FRMD4A: variants seen among roughly 807,000 people sequenced by gnomAD.
The protein encoded by FRMD4A is FERM domain containing 4A, also known as FERM domain-containing protein 4A.
Under a neutral mutation model 129.1 loss-of-function variants are expected in FRMD4A, and 29 were observed. The observed-to-expected ratio is 0.22, with a 90% confidence interval of 0.17 to 0.31. The LOEUF (loss-of-function observed/expected upper bound fraction) is 0.31, where lower values mean the gene tolerates loss of function less well. FRMD4A is among the 10% of genes least tolerant of loss of function. The pLI is 1.00. For synonymous variants in FRMD4A, 634 were observed against 571.6 expected, an observed-to-expected ratio of 1.11 and a Z score of -1.56; for missense variants, 1,272 against 1,375.8, an observed-to-expected ratio of 0.92 and a Z score of 1.19.
rs75039112 is a variant in FRMD4A at position 14,311,158 on chromosome 10, T to C, written c.45+18900A>G. Reference sequence around the variant, plus strand: ...ACCAGTGCGCCAGCAACAGAGCCCTTTGTGGTCCCACACTTGGAATCCCAC... The same window carrying C: ...ACCAGTGCGCCAGCAACAGAGCCCTCTGTGGTCCCACACTTGGAATCCCAC... On this transcript the variant is annotated intron_variant, in intron 2 of 24. Transcript: ENST00000357447. Among the ~76,000 whole-genome samples the C allele has an allele frequency of 8.2e-3, 1,255 of 152,262 alleles. 18 individuals are homozygous for C. The highest frequency in any genetic ancestry group is 0.029 in the African/African-American group (1,195 of 41,556).
chr10:14,202,399 T>C (rs532257095), intron 2 of FRMD4A, among the ~76,000 whole-genome samples: 1 of 152,266 alleles, frequency 6.6e-6, no homozygotes, highest in South Asian at 2.1e-4. Flanking sequence ...TATTTATTTA[T>C]TTACTTATTT....
intron 2 of FRMD4A, among the ~76,000 whole-genome samples, chr10:14,135,842 G>C (rs543910672): frequency 6.6e-6 from 1 of 152,298 alleles, no homozygotes; most frequent in African/African-American, 2.4e-5. Flanking sequence ...ACATTGGACT[G>C]AATACAATGG....
chr10:13,981,384 A>C (rs1469104170), intron 2 of FRMD4A, among the ~76,000 whole-genome samples: 1 of 152,198 alleles, frequency 6.6e-6, no homozygotes, highest in Non-Finnish European at 1.5e-5. Context: ...GAGGCCAGAA[A>C]CTAGGTATGC....
chr10:14,236,636 C>T (rs1028461673), intron 2 of FRMD4A, among the ~76,000 whole-genome samples: 3 of 152,136 alleles, frequency 2.0e-5, no homozygotes, highest in Non-Finnish European at 4.4e-5. Flanking sequence ...GAGTCGGTGC[C>T]CCACTGCCTG....
chr10:13,697,300 A>G (rs4266970), intron 14 of FRMD4A, among the ~76,000 whole-genome samples: 55,299 of 151,660 alleles, frequency 0.36, 10,532 homozygotes, highest in African/African-American at 0.49. Context: ...GGGACCACAC[A>G]TGTGGTCCAC....
At chr10:13,704,525 G>A (rs2087210863) in intron 13 of FRMD4A, among the ~76,000 whole-genome samples, 1 of 152,012 alleles carries the variant, frequency 6.6e-6, no homozygotes, top group South Asian at 2.1e-4. Context: ...TTTAATCCTA[G>A]TTACCCCTCC....
At chr10:14,132,763 C>T (rs1044385507) in intron 2 of FRMD4A, among the ~76,000 whole-genome samples, 2 of 152,226 alleles carry the variant, frequency 1.3e-5, no homozygotes, top group African/African-American at 4.8e-5. Flanking sequence ...CCCACGCAGG[C>T]CCAGCTGCCA....
intron 2 of FRMD4A, among the ~76,000 whole-genome samples, chr10:13,969,651 G>C (rs574712966): frequency 6.6e-6 from 1 of 152,294 alleles, no homozygotes; most frequent in South Asian, 2.1e-4. Flanking sequence ...AGGAGTTCAA[G>C]ACTAGCCTGG....
Position 14,017,877 on chromosome 10 carries a change from T to C in FRMD4A, c.46-158965A>G, listed in dbSNP as rs537171401. On this transcript the variant is annotated intron_variant, in intron 2 of 24. Coordinates refer to ENST00000357447, the MANE Select transcript of FRMD4A (RefSeq NM_018027.5). ...TTTGAAGCCTCATGTCATGGGAATA[T>C]GGTTTATGTTGAATGTGTTCTAGAG... Among the ~76,000 whole-genome samples, 4 of 152,326 alleles carry C rather than the reference T, an allele frequency of 2.6e-5. No homozygotes were observed. The South Asian group carries it at 8.3e-4, about 32-fold the overall frequency.
chr10:13,718,525 G>A (rs2089096713), intron 12 of FRMD4A, among the ~76,000 whole-genome samples: 1 of 152,224 alleles, frequency 6.6e-6, no homozygotes, highest in Non-Finnish European at 1.5e-5. Context: ...TTTGGTATCT[G>A]CTCTGCGAGG....
intron 9 of FRMD4A, among the ~76,000 whole-genome samples, chr10:13,742,073 C>G (rs1472898854): frequency 6.6e-6 from 1 of 151,950 alleles, no homozygotes; most frequent in African/African-American, 2.4e-5. Flanking sequence ...CCAGGCTGGT[C>G]TCAAACTCCG....
intron 2 of FRMD4A, among the ~76,000 whole-genome samples, chr10:14,215,541 G>C (rs772277207): frequency 6.6e-6 from 1 of 152,038 alleles, no homozygotes; most frequent in Non-Finnish European, 1.5e-5. Flanking sequence ...TACTTTGCAG[G>C]CTCTCCTTCT....
chr10:13,693,440 T>A, intron 15 of FRMD4A: 1 of 954,590 alleles, frequency 1.0e-6, no homozygotes, highest in Non-Finnish European at 1.3e-6. Flanking sequence ...TGCGACACGA[T>A]GGAGAGAGTA....
chr10:14,112,437 G>C (rs1475810483), intron 2 of FRMD4A, among the ~76,000 whole-genome samples: 4 of 152,164 alleles, frequency 2.6e-5, no homozygotes, highest in African/African-American at 9.7e-5. Context: ...TATTTCAAAA[G>C]AATAAAATAG....
chr10:14,259,416 T>C (rs1844724378), intron 2 of FRMD4A, among the ~76,000 whole-genome samples: 1 of 152,156 alleles, frequency 6.6e-6, no homozygotes, highest in African/African-American at 2.4e-5. Context: ...TCCTGTCAGT[T>C]CTCATTTATA....
At chr10:13,849,097 T>C (rs937082319) in intron 3 of FRMD4A, among the ~76,000 whole-genome samples, 1 of 152,210 alleles carries the variant, frequency 6.6e-6, no homozygotes, top group African/African-American at 2.4e-5. Context: ...TAATAAATGA[T>C]GATGGGATCG....
intron 3 of FRMD4A, among the ~76,000 whole-genome samples, chr10:13,849,006 A>C (rs1235454170): frequency 2.0e-5 from 3 of 152,196 alleles, no homozygotes; most frequent in Non-Finnish European, 4.4e-5. Flanking sequence ...CAAATGTTAA[A>C]TATTATCAGC....
chr10:13,947,679 C>T (rs776439524), intron 2 of FRMD4A, among the ~76,000 whole-genome samples: 2 of 152,070 alleles, frequency 1.3e-5, no homozygotes, highest in Non-Finnish European at 2.9e-5. Context: ...TGCCATAGTA[C>T]AGCAGAAGCC....
chr10:14,143,949 A>C (rs533068068), intron 2 of FRMD4A, among the ~76,000 whole-genome samples: 1 of 152,120 alleles, frequency 6.6e-6, no homozygotes, highest in Non-Finnish European at 1.5e-5. Flanking sequence ...TCACAATTAA[A>C]ATTTTTTTAC....
Sources: gnomAD v4.1 joint callset for allele counts (sites outside exome capture counted in the v4.1 genomes callset) on GRCh38, gnomAD v4.1.1 for gene constraint, MANE v1.5 for transcripts, NCBI Gene and HGNC (gene_info 2026-07-23, HGNC 2026-07-21) for gene names.